The following LARGE1 variants were observed in gnomAD, a reference collection of about 807,000 sequenced individuals.
LARGE1 encodes the protein xylosyl- and glucuronyltransferase LARGE1.
A neutral mutation model predicts 87.6 loss-of-function variants in LARGE1; 43 were observed. The ratio of observed to expected loss-of-function variants is 0.49; its 90% CI spans 0.38 to 0.63. The LOEUF (loss-of-function observed/expected upper bound fraction) is 0.63. LARGE1 is among the 30% of genes least tolerant of loss of function. The pLI, the probability that LARGE1 is intolerant of heterozygous loss-of-function variation, is 0.00. For synonymous variants in LARGE1, 434 were observed against 394.6 expected, an observed-to-expected ratio of 1.10 and a Z score of -1.18; for missense variants, 802 against 1,000.2, an observed-to-expected ratio of 0.80 and a Z score of 2.67.
chr22:33,172,722 C>A (rs1922642047), intron 11 of LARGE1, among the ~76,000 whole-genome samples: 1 of 151,922 alleles, frequency 6.6e-6, no homozygotes, highest in Admixed American at 6.6e-5. Context: ...ACACAAGTAT[C>A]AATAGTCAAA....
chr22:33,766,626 T>C (rs1360391635), intron 1 of LARGE1, among the ~76,000 whole-genome samples: 1 of 151,926 alleles, frequency 6.6e-6, no homozygotes, highest in Non-Finnish European at 1.5e-5. Flanking sequence ...GGTTTCACCA[T>C]GTTAGCCAGG....
intron 9 of LARGE1, among the ~76,000 whole-genome samples, chr22:33,357,971 G>A (rs1048939619): frequency 2.0e-5 from 3 of 151,990 alleles, no homozygotes; most frequent in African/African-American, 7.3e-5. Flanking sequence ...ACTTGGTTAG[G>A]GTGAGTTAAA....
chr22:33,103,827 G>A, the LARGE1 span, among the ~76,000 whole-genome samples: 1 of 152,132 alleles, frequency 6.6e-6, no homozygotes, highest in Non-Finnish European at 1.5e-5. Flanking sequence ...ATTGAATCAT[G>A]GGGGTGGTTT....
intron 6 of LARGE1, among the ~76,000 whole-genome samples, chr22:33,437,903 A>C (rs2067329500): frequency 6.6e-6 from 1 of 152,078 alleles, no homozygotes; most frequent in South Asian, 2.1e-4. Context: ...GGAGTAATTG[A>C]TTCTGTGGGG....
chr22:33,216,498 G>C (rs957677543), intron 11 of LARGE1, among the ~76,000 whole-genome samples: 1 of 151,868 alleles, frequency 6.6e-6, no homozygotes, highest in Non-Finnish European at 1.5e-5. Flanking sequence ...GCTTGGTGGC[G>C]GGTGCCTGTA....
chr22:33,249,283 C>T (rs1165887359), intron 11 of LARGE1, among the ~76,000 whole-genome samples: 1 of 152,156 alleles, frequency 6.6e-6, no homozygotes, highest in Non-Finnish European at 1.5e-5. Flanking sequence ...TTGCATTTCT[C>T]TGATGACATA....
At chr22:33,781,334 C>T (rs2085413821) in intron 1 of LARGE1, among the ~76,000 whole-genome samples, 2 of 152,100 alleles carry the variant, frequency 1.3e-5, no homozygotes, top group South Asian at 4.2e-4. Context: ...AACCCCATCT[C>T]TACTAAAAAT....
intron 2 of LARGE1, chr22:33,744,233 T>A (rs370202197): frequency 6.6e-6 from 1 of 152,234 alleles, no homozygotes; most frequent in African/African-American, 2.4e-5. Flanking sequence ...GCAAAACTCA[T>A]CATTCTTTAG....
intron 4 of LARGE1, among the ~76,000 whole-genome samples, chr22:33,604,782 A>G (rs1484696979): frequency 2.0e-5 from 3 of 152,194 alleles, no homozygotes; most frequent in African/African-American, 7.2e-5. Context: ...AGAAGTGACA[A>G]CCAACCACCA....
intron 2 of LARGE1, among the ~76,000 whole-genome samples, chr22:33,663,833 G>A (rs2081196176): frequency 6.6e-6 from 1 of 152,194 alleles, no homozygotes; most frequent in African/African-American, 2.4e-5. Flanking sequence ...CCTGAATGCA[G>A]GGCTGGCAGT....
chr22:33,163,607 C>T (rs1378554145), exon 12 of LARGE1: 1 of 152,188 alleles, frequency 6.6e-6, no homozygotes. Context: ...CTCATTGCCC[C>T]TTTACAGGGA....
At chr22:33,275,450 A>C (rs940723705) in intron 14 of LARGE1, among the ~76,000 whole-genome samples, 3 of 152,220 alleles carry the variant, frequency 2.0e-5, no homozygotes, top group Non-Finnish European at 2.9e-5. Flanking sequence ...GGGATGGGGA[A>C]AGGCGGCTGT....
chr22:33,138,456 T>TA, the LARGE1 span, among the ~76,000 whole-genome samples: 93 of 151,792 alleles, frequency 6.1e-4, 1 homozygote, highest in South Asian at 6.3e-3. Context: ...TTTCATTTTT[T>TA]TTTTTGAGAC....
chr22:33,389,890 C>A (rs7291942), intron 7 of LARGE1, among the ~76,000 whole-genome samples: 204 of 115,048 alleles, frequency 1.8e-3, no homozygotes, highest in African/African-American at 4.4e-3. Flanking sequence ...AACCAACCAA[C>A]CAAACAAAAA....
the LARGE1 span, among the ~76,000 whole-genome samples, chr22:33,089,990 C>T: frequency 2.6e-5 from 4 of 151,938 alleles, no homozygotes; most frequent in Non-Finnish European, 5.9e-5. Context: ...AAATTCCTGC[C>T]GTCAGAGTTC....
chr22:33,193,153 A>G (rs1042727602), intron 11 of LARGE1, among the ~76,000 whole-genome samples: 1 of 152,016 alleles, frequency 6.6e-6, no homozygotes, highest in African/African-American at 2.4e-5. Flanking sequence ...AAAGAGGGAG[A>G]GACTGAGAGA....
chr22:33,799,511 G>T (rs2086092136), intron 1 of LARGE1, among the ~76,000 whole-genome samples: 1 of 152,018 alleles, frequency 6.6e-6, no homozygotes. Flanking sequence ...TGCAATCTTG[G>T]CTCACCACAA....
At chr22:33,254,120 G>C (rs769136100) in intron 11 of LARGE1, among the ~76,000 whole-genome samples, 2 of 152,154 alleles carry the variant, frequency 1.3e-5, no homozygotes, top group African/African-American at 4.8e-5. Flanking sequence ...CCACTACCAC[G>C]TGCATTTGGC....
intron 5 of LARGE1, among the ~76,000 whole-genome samples, chr22:33,575,798 T>A (rs1291644465): frequency 2.0e-5 from 3 of 152,182 alleles, no homozygotes; most frequent in African/African-American, 7.2e-5. Context: ...AATGTGATCG[T>A]GGATCTACAG....
Sources: allele counts gnomAD v4.1 joint callset (sites outside exome capture counted in the v4.1 genomes callset), GRCh38; gene constraint gnomAD v4.1.1; transcripts MANE v1.5; gene names NCBI Gene and HGNC (gene_info 2026-07-23, HGNC 2026-07-21).